ARHGAP24: variants seen among roughly 807,000 people sequenced by gnomAD.
ARHGAP24 encodes the protein Rho GTPase activating protein 24.
Under a neutral mutation model 76.4 loss-of-function variants are expected in ARHGAP24, and 50 were observed. That is an observed-to-expected ratio of 0.65 (90% confidence interval 0.52 to 0.83). The LOEUF (loss-of-function observed/expected upper bound fraction) is 0.83, where lower values mean the gene tolerates loss of function less well. Among genes scored for constraint, ARHGAP24 ranks in the 40% least tolerant of loss-of-function variants. The pLI, the probability that ARHGAP24 is intolerant of heterozygous loss-of-function variation, is 0.00. For missense variants in ARHGAP24, 930 were observed against 914.2 expected (o/e 1.02, Z -0.22); for synonymous variants, 345 against 323.3 (o/e 1.07, Z -0.72).
intron 3 of ARHGAP24, among the ~76,000 whole-genome samples, chr4:85,854,096 T>C (rs2110167098): frequency 7.1e-6 from 1 of 140,046 alleles, no homozygotes; most frequent in South Asian, 2.2e-4. Context: ...GACCACACCA[T>C]TGCCCTCCAG....
intron 2 of ARHGAP24, among the ~76,000 whole-genome samples, chr4:85,633,462 T>G (rs1721223819): frequency 1.3e-5 from 2 of 151,928 alleles, no homozygotes; most frequent in South Asian, 4.1e-4. Context: ...ATTGGGCAAT[T>G]TCTTTTAACT....
intron 3 of ARHGAP24, among the ~76,000 whole-genome samples, chr4:85,889,355 A>G (rs952384037): frequency 2.6e-5 from 4 of 152,240 alleles, no homozygotes; most frequent in Middle Eastern, 3.2e-3. Context: ...AAATGCAGAC[A>G]AATTGTAAAT....
intron 1 of ARHGAP24, among the ~76,000 whole-genome samples, chr4:85,523,255 G>A (rs756855714): frequency 1.3e-5 from 2 of 152,142 alleles, no homozygotes; most frequent in Admixed American, 6.5e-5. Flanking sequence ...AAAATGAAAA[G>A]AATAAATTGT....
At chr4:85,606,082 T>C (rs1331711413) in intron 2 of ARHGAP24, among the ~76,000 whole-genome samples, 1 of 152,198 alleles carries the variant, frequency 6.6e-6, no homozygotes, top group Non-Finnish European at 1.5e-5. Context: ...ATGTCATGGG[T>C]GGTATTCTCA....
At chr4:85,736,801 A>C (rs919802707) in intron 3 of ARHGAP24, among the ~76,000 whole-genome samples, 1 of 152,170 alleles carries the variant, frequency 6.6e-6, no homozygotes, top group African/African-American at 2.4e-5. Context: ...TACACTGTGG[A>C]GCTAACAGAT....
At chr4:85,906,498 GT>G (rs1053753753) in intron 3 of ARHGAP24, among the ~76,000 whole-genome samples, 6 of 152,144 alleles carry the variant, frequency 3.9e-5, no homozygotes, top group South Asian at 2.1e-4. Flanking sequence ...ATGATAACTA[GT>G]TTTTTAATGT....
chr4:85,962,027 G>A (rs1054363334), intron 5 of ARHGAP24, among the ~76,000 whole-genome samples: 1 of 152,028 alleles, frequency 6.6e-6, no homozygotes, highest in East Asian at 1.9e-4. Flanking sequence ...ACTAAGTACA[G>A]CCAAAACTTC....
intron 1 of ARHGAP24, among the ~76,000 whole-genome samples, chr4:85,481,332 A>C (rs1315493596): frequency 6.6e-6 from 1 of 152,206 alleles, no homozygotes; most frequent in Non-Finnish European, 1.5e-5. Context: ...CATATTTACT[A>C]TGTCCCTTTC....
At chr4:85,857,455 A>G (rs1030212786) in intron 3 of ARHGAP24, among the ~76,000 whole-genome samples, 4 of 152,340 alleles carry the variant, frequency 2.6e-5, no homozygotes, top group Admixed American at 2.0e-4. Context: ...GTTTATTAAG[A>G]AAGTGTGGGT....
chr4:85,920,726 C>T (rs914834829), intron 3 of ARHGAP24, among the ~76,000 whole-genome samples: 3 of 152,098 alleles, frequency 2.0e-5, no homozygotes, highest in Non-Finnish European at 4.4e-5. Flanking sequence ...TGAACACACA[C>T]TTTTCAAAAG....
intron 3 of ARHGAP24, among the ~76,000 whole-genome samples, chr4:85,850,199 T>G (rs1045917676): frequency 3.3e-5 from 5 of 152,212 alleles, no homozygotes; most frequent in Non-Finnish European, 5.9e-5. Context: ...GTCGAGGAAT[T>G]TATCCATTTC....
intron 3 of ARHGAP24, among the ~76,000 whole-genome samples, chr4:85,824,636 G>T (rs1264201792): frequency 6.6e-6 from 1 of 151,358 alleles, no homozygotes; most frequent in African/African-American, 2.4e-5. Flanking sequence ...TTAAACTTCA[G>T]TGCAAGTGTC....
intron 9 of ARHGAP24, among the ~76,000 whole-genome samples, chr4:85,996,000 G>C (rs1041362361): frequency 1.3e-5 from 2 of 152,236 alleles, no homozygotes; most frequent in Non-Finnish European, 2.9e-5. Context: ...GCTGTGAGGA[G>C]ATGGACAGAG....
In ARHGAP24 at chr4:85,755,636, G is replaced by GTTTTTT. The variant is rs1342354389; in HGVS notation, c.268+33668_268+33669insTTTTTT. Among the ~76,000 whole-genome samples the GTTTTTT allele has an allele frequency of 1.4e-4, 16 of 114,300 alleles. 1 individual carries two copies. Among genetic ancestry groups the GTTTTTT allele is most frequent in the Admixed American group, 2.0e-4 (2 of 10,128 alleles). 75.0% of individuals were successfully genotyped at this position (114,300 alleles called of 152,430 possible). On this transcript the variant is annotated intron_variant, in intron 3 of 9. Transcript: ENST00000395184. ...AGCTTCTATTCTTTTGTTTTGTTTT[G>GTTTTTT]TTTTGTTTTGTTTTGAGACGGAGTC...
chr4:85,670,776 A>G (rs111864345), intron 2 of ARHGAP24, among the ~76,000 whole-genome samples: 7 of 152,244 alleles, frequency 4.6e-5, no homozygotes, highest in African/African-American at 1.7e-4. Context: ...TTTTCTTCAC[A>G]TTGTCCACAA....
intron 3 of ARHGAP24, 33 bp from the exon 4 acceptor site, chr4:85,923,615 A>C (rs1324432363): frequency 1.2e-6 from 2 of 1,613,034 alleles, no homozygotes; most frequent in Admixed American, 3.3e-5. Flanking sequence ...CTCTGGATGC[A>C]ACTTCAGCTG....
At chr4:85,745,161 G>A (rs972628540) in intron 3 of ARHGAP24, among the ~76,000 whole-genome samples, 3 of 152,000 alleles carry the variant, frequency 2.0e-5, no homozygotes, top group Non-Finnish European at 4.4e-5. Context: ...ACCAGCGGCC[G>A]GGAATGGTGA....
At chr4:85,992,208 T>C (rs1740372816) in intron 8 of ARHGAP24, 1 of 397,188 alleles carries the variant, frequency 2.5e-6, no homozygotes, top group South Asian at 1.3e-4. Context: ...ACTGATAGTG[T>C]GTACAGTGGC....
At chr4:85,541,993 T>G (rs932305010) in intron 1 of ARHGAP24, among the ~76,000 whole-genome samples, 2 of 152,172 alleles carry the variant, frequency 1.3e-5, no homozygotes, top group Non-Finnish European at 2.9e-5. Flanking sequence ...AAATAGTGCT[T>G]CTCCTTCAAA....
Sources: allele counts gnomAD v4.1 joint callset (sites outside exome capture counted in the v4.1 genomes callset), GRCh38; gene constraint gnomAD v4.1.1; transcripts MANE v1.5; gene names NCBI Gene and HGNC (gene_info 2026-07-23, HGNC 2026-07-21).